The following NFIC variants were observed in gnomAD, a reference collection of about 807,000 sequenced individuals.
NFIC encodes nuclear factor I C.
Under a neutral mutation model 54.4 loss-of-function variants are expected in NFIC, and 12 were observed. The observed-to-expected ratio is 0.22, with a 90% CI of 0.14 to 0.36. The LOEUF is 0.36. Ranked by LOEUF, NFIC falls within the 10% of genes least tolerant of loss-of-function variation. NFIC has a pLI of 1.00. For synonymous variants in NFIC, 322 were observed against 319.2 expected (o/e 1.01, Z -0.09); for missense variants, 575 against 718.2 (o/e 0.80, Z 2.28).
chr19:3,424,679 G>T (rs945308334), intron 2 of NFIC, among the ~76,000 whole-genome samples: 2 of 152,166 alleles, frequency 1.3e-5, no homozygotes, highest in African/African-American at 2.4e-5. Context: ...CACCGTGCCC[G>T]GCCTGAACTT....
At chr19:3,396,207 C>T (rs986725492) in intron 2 of NFIC, among the ~76,000 whole-genome samples, 11 of 152,154 alleles carry the variant, frequency 7.2e-5, no homozygotes, top group South Asian at 2.1e-4. Flanking sequence ...CGCGGCGGCT[C>T]ACGCCTATAA....
chr19:3,404,803 C>T (rs979001063), intron 2 of NFIC, among the ~76,000 whole-genome samples: 3 of 152,202 alleles, frequency 2.0e-5, no homozygotes, highest in Non-Finnish European at 1.5e-5. Flanking sequence ...TACGCGCAGG[C>T]CTCCGAGCAG....
rs1192475558 is a variant in NFIC at position 3,394,513 on chromosome 19, T to TCCCCCCCCCCCCCC, written c.562+12270_562+12271insCCCCCCCCCCCCCC. Among the ~76,000 whole-genome samples the TCCCCCCCCCCCCCC allele has an allele frequency of 2.7e-3, 24 of 8,982 alleles. 3 individuals carry two copies. The highest frequency in any genetic ancestry group is 8.3e-3 in the African/African-American group (21 of 2,542). The allele number at this position is 8,982 out of a possible 152,430, so 5.9% of individuals were successfully genotyped here. A position where few individuals can be genotyped will look rare whatever the true frequency, so the allele number is the denominator to read the frequency against. On this transcript the variant is annotated intron_variant, in intron 2 of 10. Transcript: ENST00000443272. The stretch of plus-strand genomic sequence containing the variant: ...AGTTATCGAGGTATTTTATGATCTT[T>TCCCCCCCCCCCCCC]TCCCCACCCACCCCCCACCCGCTTA...
intron 3 of NFIC, among the ~76,000 whole-genome samples, chr19:3,433,257 G>A (rs1475277284): frequency 2.0e-5 from 3 of 152,350 alleles, no homozygotes; most frequent in Non-Finnish European, 4.4e-5. Flanking sequence ...GAGCCACTGC[G>A]CCCGGCCTGC....
intron 2 of NFIC, among the ~76,000 whole-genome samples, chr19:3,417,087 A>G (rs75505904): frequency 0.45 from 66,465 of 149,260 alleles, 15,121 homozygotes; most frequent in Non-Finnish European, 0.5. Context: ...GGGTTTCACC[A>G]TGTTAGCCAG....
chr19:3,433,464 G>A, intron 3 of NFIC, 54 bp from the exon 4 acceptor site: 4 of 1,593,858 alleles, frequency 2.5e-6, no homozygotes, highest in Non-Finnish European at 3.4e-6. Flanking sequence ...TGGAGTGTGG[G>A]GAAGGGAAAC....
rs967138431 is a variant in NFIC, at chr19:3,464,950, G to A, written c.*2181G>A. On this transcript the variant is annotated 3_prime_UTR_variant, in exon 11 of 11. Coordinates refer to ENST00000443272, the MANE Select transcript of NFIC (RefSeq NM_001245002.2). The stretch of plus-strand genomic sequence containing the variant: ...TCAGCCAGGGTGGGGGTCGTGGAGT[G>A]GGGGAGGGAGGCCAGCCGGGCTCCA... 1 of 152,384 alleles carries A rather than the reference G, an allele frequency of 6.6e-6. No homozygotes were observed. The highest frequency in any genetic ancestry group is 1.5e-5 in the Non-Finnish European group (1 of 68,892). The allele number at this position is 152,384 out of a possible 1,614,324, so 9.4% of individuals were successfully genotyped here.
chr19:3,416,952 C>T (rs573426210), intron 2 of NFIC, among the ~76,000 whole-genome samples: 25 of 150,982 alleles, frequency 1.7e-4, no homozygotes, highest in African/African-American at 4.1e-4. Context: ...GGCGCGATCT[C>T]GGCTCACTGC....
chr19:3,383,952 C>G (rs1422253283), intron 2 of NFIC, among the ~76,000 whole-genome samples: 1 of 152,104 alleles, frequency 6.6e-6, no homozygotes, highest in African/African-American at 2.4e-5. Flanking sequence ...GGAGTAACAG[C>G]CATGCCACCT....
At chr19:3,365,841 TGG>T (rs139359943), upstream of NFIC, among the ~76,000 whole-genome samples, 5,809 of 152,216 alleles carry the variant, frequency 0.038, 389 homozygotes, top group African/African-American at 0.13. Flanking sequence ...CGTGTTAGCC[TGG>T]GCCCTTCTGG....
chr19:3,386,512 G>A (rs949298776), intron 2 of NFIC, among the ~76,000 whole-genome samples: 1 of 151,966 alleles, frequency 6.6e-6, no homozygotes, highest in African/African-American at 2.4e-5. Context: ...TAGTAGAGAC[G>A]GGCTTTCACC....
At chr19:3,426,821 G>A (rs1438240011) in intron 3 of NFIC, among the ~76,000 whole-genome samples, 1 of 151,936 alleles carries the variant, frequency 6.6e-6, no homozygotes, top group African/African-American at 2.4e-5. Context: ...CTAACTGCTC[G>A]CTTGTTCTCT....
intron 2 of NFIC, among the ~76,000 whole-genome samples, chr19:3,418,099 CT>C (rs778206013): frequency 0.024 from 3,143 of 132,370 alleles, 76 homozygotes; most frequent in African/African-American, 0.079. Context: ...ATTTTCTTTT[CT>C]TTTTTTTTTT....
rs937733259 is a variant in NFIC at position 3,463,798 on chromosome 19, T to G, written c.*1029T>G. On this transcript the variant is annotated 3_prime_UTR_variant, in exon 11 of 11. Transcript: ENST00000443272. Reference sequence around the variant, plus strand: ...GGGGTGCCCGTCTGGAGCGCCCCCGTCAGCCCCTGGCGGTGGGAGGTGAGA... The same window carrying G: ...GGGGTGCCCGTCTGGAGCGCCCCCGGCAGCCCCTGGCGGTGGGAGGTGAGA... 1 of 985,170 alleles carries G rather than the reference T, an allele frequency of 1.0e-6. No homozygotes were observed. The highest frequency in any genetic ancestry group is 6.1e-5 in the Admixed American group (1 of 16,282). The allele number at this position is 985,170 out of a possible 1,614,324, so 61.0% of individuals were successfully genotyped here.
rs1203716016 is a variant in NFIC, at chr19:3,459,256, C to A, written c.1509+2621C>A. Among the ~76,000 whole-genome samples, 3 of 151,362 alleles carry A rather than the reference C, an allele frequency of 2.0e-5. No individual in the cohort carries two copies. Among genetic ancestry groups the A allele is most frequent in the Non-Finnish European group, 4.4e-5 (3 of 67,754 alleles). Reference sequence around the variant, plus strand: ...CCCCCCAGTCCATGGACTCTCCCCCCATCAATATCCCTCCCCGTGATCTAT... The same window carrying A: ...CCCCCCAGTCCATGGACTCTCCCCCAATCAATATCCCTCCCCGTGATCTAT... On this transcript the variant is annotated intron_variant, in intron 10 of 10. Coordinates refer to ENST00000443272, the MANE Select transcript of NFIC (RefSeq NM_001245002.2). The surrounding 1 kb of genome is among the most constrained non-coding windows in gnomAD (Gnocchi z 4.2).
intron 3 of NFIC, among the ~76,000 whole-genome samples, chr19:3,430,348 A>G (rs1390730844): frequency 6.6e-6 from 1 of 151,258 alleles, no homozygotes; most frequent in Non-Finnish European, 1.5e-5. Flanking sequence ...TCAGCCTCCC[A>G]AGTAGCTGGG....
upstream of NFIC, among the ~76,000 whole-genome samples, chr19:3,362,202 G>A (rs2080820553): frequency 6.6e-6 from 1 of 152,160 alleles, no homozygotes; most frequent in Non-Finnish European, 1.5e-5. Context: ...GGGAATACCG[G>A]GGGGTTCCAC....
intron 2 of NFIC, among the ~76,000 whole-genome samples, chr19:3,389,501 G>A (rs530896703): frequency 9.9e-5 from 15 of 152,168 alleles, no homozygotes; most frequent in Non-Finnish European, 2.1e-4. Context: ...GAGCTCGGGT[G>A]ACGGTGCCTG....
rs1338189973 is a variant in NFIC, at chr19:3,370,733, C to G, written c.30+4067C>G. 6.6e-6 allele frequency among the ~76,000 whole-genome samples: 1 copy of G among 151,064 alleles called. No individual in the cohort carries two copies. The highest frequency in any genetic ancestry group is 1.5e-5 in the Non-Finnish European group (1 of 67,854). ...CTCCCTCCCTTCCTCTCTCTCTGTT[C>G]CTCCTCTTCTTTCTCTCTCTCTGTC... On this transcript the variant is annotated intron_variant, in intron 1 of 10. Transcript: ENST00000443272. The surrounding 1 kb of genome is among the most constrained non-coding windows in gnomAD (Gnocchi z 5.2).
Sources: gnomAD v4.1 joint callset for allele counts (sites outside exome capture counted in the v4.1 genomes callset) on GRCh38, gnomAD v4.1.1 for gene constraint, Gnocchi (gnomAD v3.1) non-coding constraint, MANE v1.5 for transcripts, NCBI Gene and HGNC (gene_info 2026-07-23, HGNC 2026-07-21) for gene names.